OTUD4: variants seen among roughly 807,000 people sequenced by gnomAD.
OTUD4 encodes the protein OTU domain-containing protein 4.
Under a neutral mutation model 130.4 loss-of-function variants are expected in OTUD4, and 24 were observed. The observed-to-expected ratio is 0.18, with a 90% CI of 0.13 to 0.26. OTUD4 has a LOEUF of 0.26. OTUD4 is among the 10% of genes least tolerant of loss of function. The probability of loss-of-function intolerance (pLI) is 1.00; values close to 1 mark genes in which losing one functional copy is unlikely to be tolerated. For missense variants in OTUD4, 1,031 were observed against 1,329.4 expected, an observed-to-expected ratio of 0.78 and a Z score of 3.49; for synonymous variants, 420 against 472.5, an observed-to-expected ratio of 0.89 and a Z score of 1.44.
Position 145,180,105 on chromosome 4 carries a change from G to A in OTUD4, c.-132C>T, listed in dbSNP as rs1752623866. The A allele has an allele frequency of 4.9e-6, 3 of 609,710 alleles. No individual in the cohort carries two copies. In the Admixed American group the frequency reaches 1.7e-4, roughly 34 times the overall value. 37.8% of individuals were successfully genotyped at this position (609,710 alleles called of 1,614,324 possible). The stretch of plus-strand genomic sequence containing the variant: ...GCTCGGGCTCCGCGAGCGGCGGCAG[G>A]CGGCGGCGGCCCGAGGCAGCGGTCC... On this transcript the variant is annotated 5_prime_UTR_variant, in exon 1 of 21. Coordinates refer to ENST00000447906, the MANE Select transcript of OTUD4 (RefSeq NM_001366057.1).
intron 1 of OTUD4, 67 bp downstream of exon 1, chr4:145,179,748 T>TC: frequency 2.9e-6 from 4 of 1,398,080 alleles, no homozygotes; most frequent in South Asian, 1.3e-5. Flanking sequence ...CGCAGCTGCC[T>TC]CCCCACCCAG....
In OTUD4 at chr4:145,144,313, T is replaced by G; in HGVS notation, c.1544A>C (p.Lys515Thr). Reference sequence around the variant, plus strand: ...TTTCTAATGATGAGATAACTTACCTTTGTCTTTTCGTTCTTCTGTATCCAT... The same window carrying G: ...TTTCTAATGATGAGATAACTTACCTGTGTCTTTTCGTTCTTCTGTATCCAT... Reference protein sequence around the residue: ...RRMDTEERKDKDSIHGHSQLD... With the variant: ...RRMDTEERKDTDSIHGHSQLD... Residue 515 changes from lysine (K) to threonine (T), a missense_variant and splice_region_variant, in exon 15 of 21, where the codon AAA (lysine) becomes ACA (threonine). Coordinates refer to ENST00000447906, the MANE Select transcript of OTUD4 (RefSeq NM_001366057.1). 1 of 1,610,234 alleles carries G rather than the reference T, an allele frequency of 6.2e-7. No homozygotes were observed. Among genetic ancestry groups the G allele is most frequent in the Non-Finnish European group, 8.5e-7 (1 of 1,178,808 alleles).
In OTUD4 at chr4:145,180,113, G is replaced by C; in HGVS notation, c.-140C>G. ...TCCGCGAGCGGCGGCAGGCGGCGGC[G>C]GCCCGAGGCAGCGGTCCGCGCTCTC... On this transcript the variant is annotated 5_prime_UTR_variant, in exon 1 of 21. Coordinates refer to ENST00000447906, the MANE Select transcript of OTUD4 (RefSeq NM_001366057.1). 2.0e-6 allele frequency: 1 copy of C among 509,958 alleles called. No homozygotes were observed. Among genetic ancestry groups the C allele is most frequent in the Non-Finnish European group, 2.6e-6 (1 of 380,938 alleles). 31.6% of individuals were successfully genotyped at this position (509,958 alleles called of 1,614,324 possible).
intron 3 of OTUD4, among the ~76,000 whole-genome samples, chr4:145,165,461 A>G (rs1002411050): frequency 6.6e-6 from 1 of 152,174 alleles, no homozygotes; most frequent in Non-Finnish European, 1.5e-5. Context: ...AGACCACAGC[A>G]TGGCATCTGT....
At chr4:145,140,013 T>C in intron 19 of OTUD4, 22 bp from the exon 20 acceptor site, 1 of 725,236 alleles carries the variant, frequency 1.4e-6, no homozygotes, top group South Asian at 1.6e-5. Context: ...AGTAATCACT[T>C]GTTAAAATTA....
intron 3 of OTUD4, among the ~76,000 whole-genome samples, chr4:145,169,231 C>A (rs1752031736): frequency 6.6e-6 from 1 of 152,194 alleles, no homozygotes; most frequent in African/African-American, 2.4e-5. Context: ...TGAGCATATA[C>A]ACTTGTCAAA....
intron 14 of OTUD4, 95 bp from the exon 15 acceptor site, chr4:145,144,529 A>G: frequency 8.1e-7 from 1 of 1,228,948 alleles, no homozygotes; most frequent in Non-Finnish European, 1.1e-6. Flanking sequence ...CATACTTCTA[A>G]AATCTTAAAA....
chr4:145,159,418 GAAAGACATTTACTGAAATGT>G (rs1351664964), intron 7 of OTUD4, 65 bp downstream of exon 7: 49 of 1,582,424 alleles, frequency 3.1e-5, no homozygotes, highest in African/African-American at 2.3e-4. Context: ...ATATGTTATA[GAAAGACATTTACTGAAATGT>G]AAAGACATTT....
chr4:145,155,979 G>A lies in OTUD4; in HGVS notation c.647C>T (p.Ala216Val), dbSNP rs1307832276. The part of the protein sequence containing the change: ...DDSCKSKTAA[A>V]AADVNGFKPL... ...TTTAAATCCATTCACATCAGCAGCA[G>A]CAGCAGCAGTCTTACTCCTACAAAG... The change falls in exon 8 of 21, where the codon GCT (alanine) becomes GTT (valine). Residue 216 changes from alanine (A) to valine (V), a missense_variant. Physicochemically the swap from Ala to Val is moderately conservative, Grantham distance 64 (BLOSUM62 0). Coordinates refer to ENST00000447906, the MANE Select transcript of OTUD4 (RefSeq NM_001366057.1). 2 of 1,611,430 alleles carry A rather than the reference G, an allele frequency of 1.2e-6. No homozygotes were observed. Among genetic ancestry groups the A allele is most frequent in the East Asian group, 2.2e-5 (1 of 44,786 alleles).
chr4:145,168,148 A>C (rs935192474), intron 3 of OTUD4, among the ~76,000 whole-genome samples: 1 of 152,160 alleles, frequency 6.6e-6, no homozygotes, highest in African/African-American at 2.4e-5. Context: ...ATATGTTTTA[A>C]CTAATTAACC....
chr4:145,150,918 A>G lies in OTUD4; in HGVS notation c.969-13T>C, dbSNP rs1179359233. On this transcript the variant is annotated splice_polypyrimidine_tract_variant and intron_variant, in intron 11 of 20. Coordinates refer to ENST00000447906, the MANE Select transcript of OTUD4 (RefSeq NM_001366057.1). ...CTTTGATGTGTGCCTTCAAAGGGGAAAAGACTTGTGATAGCTTAAAATACC... is the reference window on the plus strand; with the variant it reads ...CTTTGATGTGTGCCTTCAAAGGGGAGAAGACTTGTGATAGCTTAAAATACC... 2 of 1,572,178 alleles carry G rather than the reference A, an allele frequency of 1.3e-6. No homozygotes were observed. The highest frequency in any genetic ancestry group is 3.4e-5 in the Admixed American group (2 of 58,030).
chr4:145,148,882 G>A (rs1750938958), intron 13 of OTUD4, among the ~76,000 whole-genome samples: 1 of 152,084 alleles, frequency 6.6e-6, no homozygotes, highest in Non-Finnish European at 1.5e-5. Context: ...TACCACCAGG[G>A]GCTACTGGAG....
intron 1 of OTUD4, among the ~76,000 whole-genome samples, chr4:145,179,054 G>C (rs1752563478): frequency 6.6e-6 from 1 of 151,878 alleles, no homozygotes; most frequent in South Asian, 2.1e-4. Flanking sequence ...ATATAACATG[G>C]AATAAGCTCG....
In OTUD4 at chr4:145,155,905, C is replaced by G. The variant is rs1360953944; in HGVS notation, c.690+31G>C. On this transcript the variant is annotated intron_variant, in intron 8 of 20. Coordinates refer to ENST00000447906, the MANE Select transcript of OTUD4 (RefSeq NM_001366057.1). ...GTACATGCTTTCTTATATTAAAGAA[C>G]TACATTTAAAACCACTTTTAAAAAA... is the stretch of plus-strand genomic sequence containing the variant. The G allele has an allele frequency of 3.8e-5, 58 of 1,523,888 alleles. 1 individual carries two copies. The highest frequency in any genetic ancestry group is 4.8e-5 in the Non-Finnish European group (54 of 1,114,398). 94.4% of individuals were successfully genotyped at this position (1,523,888 alleles called of 1,614,324 possible).
intron 10 of OTUD4, among the ~76,000 whole-genome samples, chr4:145,155,071 T>C (rs1451175714): frequency 6.6e-6 from 1 of 152,176 alleles, no homozygotes; most frequent in East Asian, 1.9e-4. Flanking sequence ...AAATGACCTA[T>C]AAAGTCAATT....
chr4:145,179,777 GCCTCCCCTCGAA>G, intron 1 of OTUD4, 26 bp downstream of exon 1: 8 of 326,414 alleles, frequency 2.5e-5, no homozygotes, highest in Non-Finnish European at 3.5e-5. Flanking sequence ...GGCCGTCCCC[GCCTCCCCTCGAA>G]GCCCTCCCCG....
Position 145,175,450 on chromosome 4 carries a change from A to C in OTUD4, c.160-706T>G, listed in dbSNP as rs1752371902. ...TCCAGATCCTCTCACTCTGCAGTTT[A>C]CATTTTCTTCTATTAAACAACCAGT... On this transcript the variant is annotated intron_variant, in intron 1 of 20. Coordinates refer to ENST00000447906, the MANE Select transcript of OTUD4 (RefSeq NM_001366057.1). Among the ~76,000 whole-genome samples, 9 of 152,236 alleles carry C rather than the reference A, an allele frequency of 5.9e-5. 1 individual carries two copies. The South Asian group carries it at 1.9e-3, about 31-fold the overall frequency.
In OTUD4 at chr4:145,137,980, G is replaced by A. The variant is rs762042941; in HGVS notation, c.2795C>T (p.Pro932Leu). The stretch of plus-strand genomic sequence containing the variant: ...AGATTGCTCTGTCCGGCCTTCGTCC[G>A]GCTTACTGCTCACACTTGCTTCAGG... ...SLPEASVSSK[P>L]DEGRTEQSSQ... The change falls in exon 21 of 21, where the codon CCG (proline) becomes CTG (leucine). Residue 932 changes from proline (P) to leucine (L), a missense_variant. Physicochemically the swap from Pro to Leu is moderately conservative, Grantham distance 98. Coordinates refer to ENST00000447906, the MANE Select transcript of OTUD4 (RefSeq NM_001366057.1). 19 of 1,613,980 alleles carry A rather than the reference G, an allele frequency of 1.2e-5. No individual in the cohort carries two copies. The highest frequency in any genetic ancestry group is 3.3e-4 in the Middle Eastern group (2 of 6,084).
intron 1 of OTUD4, among the ~76,000 whole-genome samples, chr4:145,176,275 TGTACC>T (rs1752417790): frequency 2.0e-5 from 3 of 151,834 alleles, no homozygotes; most frequent in Admixed American, 2.0e-4. Context: ...AAGATATTCC[TGTACC>T]GTAAAGGGTT....
Sources: allele counts gnomAD v4.1 joint callset (sites outside exome capture counted in the v4.1 genomes callset), GRCh38; gene constraint gnomAD v4.1.1; transcripts MANE v1.5; gene names NCBI Gene and HGNC (gene_info 2026-07-23, HGNC 2026-07-21).